The following YTHDC1 variants were observed in gnomAD, a reference collection of about 807,000 sequenced individuals.
YTHDC1 encodes the protein YTH N6-methyladenosine RNA binding protein C1.
YTHDC1 carries 12 observed loss-of-function variants against 107.0 expected under a neutral mutation model. The observed-to-expected ratio is 0.11, with a 90% confidence interval of 0.07 to 0.18. The LOEUF is 0.18. YTHDC1 is among the 10% of genes least tolerant of loss of function. The pLI is 1.00. For synonymous variants in YTHDC1, 280 were observed against 289.5 expected (o/e 0.97, Z 0.33); for missense variants, 635 against 898.8 (o/e 0.71, Z 3.75).
intron 11 of YTHDC1, among the ~76,000 whole-genome samples, chr4:68,320,500 A>G (rs993163877): frequency 6.6e-6 from 1 of 152,174 alleles, no homozygotes; most frequent in Admixed American, 6.5e-5. Context: ...TAGTCTAAAC[A>G]AAAGTAAACA....
At chr4:68,325,659 A>T (rs937952966) in intron 9 of YTHDC1, among the ~76,000 whole-genome samples, 4 of 152,228 alleles carry the variant, frequency 2.6e-5, no homozygotes, top group African/African-American at 9.6e-5. Context: ...CTAGGATTAC[A>T]GCTGTGAGCC....
chr4:68,328,337 A>G (rs1723213662), intron 9 of YTHDC1, among the ~76,000 whole-genome samples: 1 of 152,142 alleles, frequency 6.6e-6, no homozygotes, highest in African/African-American at 2.4e-5. Context: ...CACAAAATAA[A>G]AATAATCACT....
Position 68,346,518 on chromosome 4 carries a change from C to T in YTHDC1, c.28+3208G>A, listed in dbSNP as rs182138571. Among the ~76,000 whole-genome samples, 63 of 152,292 alleles carry T rather than the reference C, an allele frequency of 4.1e-4. 1 individual carries two copies. The highest frequency in any genetic ancestry group is 3.9e-3 in the Admixed American group (60 of 15,292). On this transcript the variant is annotated intron_variant, in intron 1 of 16. Coordinates refer to ENST00000344157, the MANE Select transcript of YTHDC1 (RefSeq NM_001031732.4). ...AAAATGGAGAATTCCAGAAATAATT[C>T]ATAAGTTTTAAATTGTGCGCTAAGT...
chr4:68,318,617 A>C, intron 14 of YTHDC1, 36 bp from the exon 15 acceptor site: 1 of 1,607,080 alleles, frequency 6.2e-7, no homozygotes, highest in Non-Finnish European at 8.5e-7. Context: ...TATAATTAAA[A>C]ATTATCACAG....
intron 1 of YTHDC1, 51 bp from the exon 2 acceptor site, chr4:68,338,435 G>T (rs767579751): frequency 7.3e-7 from 1 of 1,369,326 alleles, no homozygotes; most frequent in Non-Finnish European, 1.0e-6. Flanking sequence ...CATTGAACAT[G>T]TATTTTTGAG....
chr4:68,347,396 T>C (rs1007304004), intron 1 of YTHDC1, among the ~76,000 whole-genome samples: 4 of 152,206 alleles, frequency 2.6e-5, no homozygotes, highest in African/African-American at 9.7e-5. Context: ...ATCCAGTTTC[T>C]TGGGCAAATT....
At position 68,332,263 on chromosome 4, in the gene YTHDC1, T is replaced by C. The variant is rs1003519146; in HGVS notation, c.1028-66A>G. On this transcript the variant is annotated intron_variant, in intron 6 of 16. Coordinates refer to ENST00000344157, the MANE Select transcript of YTHDC1 (RefSeq NM_001031732.4). ...TTATCACACAAAGGGGTCAAAACTG[T>C]ACTAACTGAAATTAGCCCTCCACAA... 2.8e-6 allele frequency: 3 copies of C among 1,084,274 alleles called. 1 individual carries two copies. Among genetic ancestry groups the C allele is most frequent in the Middle Eastern group, 4.2e-4 (2 of 4,760 alleles). The allele number at this position is 1,084,274 out of a possible 1,614,324, so 67.2% of individuals were successfully genotyped here. A position where few individuals can be genotyped will look rare whatever the true frequency, so the allele number is the denominator to read the frequency against.
chr4:68,329,838 T>C (rs1046331515), intron 9 of YTHDC1, among the ~76,000 whole-genome samples, 164 bp downstream of exon 9: 7 of 152,186 alleles, frequency 4.6e-5, no homozygotes, highest in Admixed American at 2.0e-4. Context: ...ATCAAATACA[T>C]GTAACTTTAG....
rs1255103098 is a variant in YTHDC1 at position 68,313,241 on chromosome 4, G to A, written c.*858C>T. 1.3e-5 allele frequency: 2 copies of A among 152,186 alleles called. No homozygotes were observed. Among genetic ancestry groups the A allele is most frequent in the Admixed American group, 6.6e-5 (1 of 15,264 alleles). 9.4% of individuals were successfully genotyped at this position (152,186 alleles called of 1,614,324 possible). ...AGCAAATGGGGTTCCTAAAATTCCTGAACAAAAAGCATGCTTTTATGTCCA... is the reference window on the plus strand; with the variant it reads ...AGCAAATGGGGTTCCTAAAATTCCTAAACAAAAAGCATGCTTTTATGTCCA... On this transcript the variant is annotated 3_prime_UTR_variant, in exon 17 of 17. Transcript: ENST00000344157.
chr4:68,320,289 G>A, intron 11 of YTHDC1, 84 bp from the exon 12 acceptor site: 1 of 953,152 alleles, frequency 1.0e-6, no homozygotes, highest in Non-Finnish European at 1.6e-6. Flanking sequence ...ACAGAGATAA[G>A]TACAAAGAAT....
At chr4:68,324,544 G>A (rs899794371) in intron 9 of YTHDC1, among the ~76,000 whole-genome samples, 1 of 152,076 alleles carries the variant, frequency 6.6e-6, no homozygotes, top group South Asian at 2.1e-4. Context: ...GTTGTTTTAC[G>A]CAGTTTGCAA....
At position 68,349,915 on chromosome 4, in the gene YTHDC1, C is replaced by A. The variant is rs1725920540; in HGVS notation, c.-162G>T. 11 of 918,082 alleles carry A rather than the reference C, an allele frequency of 1.2e-5. No individual in the cohort carries two copies. The highest frequency in any genetic ancestry group is 1.8e-5 in the Non-Finnish European group (11 of 597,544). 56.9% of individuals were successfully genotyped at this position (918,082 alleles called of 1,614,324 possible). ...TAACACTCAGCCTTCTCGACTCTTC[C>A]CGCTTTTTCCCTTTCTCCCTTCCTT... On this transcript the variant is annotated 5_prime_UTR_variant, in exon 1 of 17. Transcript: ENST00000344157.
At chr4:68,327,251 G>GAAAAA (rs1723095994) in intron 9 of YTHDC1, among the ~76,000 whole-genome samples, 1 of 151,742 alleles carries the variant, frequency 6.6e-6, no homozygotes, top group Non-Finnish European at 1.5e-5. Flanking sequence ...GAAAAGAAAA[G>GAAAAA]AAAAATGGAG....
At chr4:68,345,401 A>G (rs1725297486) in intron 1 of YTHDC1, among the ~76,000 whole-genome samples, 1 of 152,178 alleles carries the variant, frequency 6.6e-6, no homozygotes, top group African/African-American at 2.4e-5. Context: ...AGGTACCAAA[A>G]TAAATTATAT....
intron 9 of YTHDC1, 65 bp from the exon 10 acceptor site, chr4:68,324,288 T>A: frequency 2.1e-5 from 28 of 1,354,246 alleles, no homozygotes; most frequent in Non-Finnish European, 2.9e-5. Context: ...ATACTACTTT[T>A]AGTAGTGAAT....
chr4:68,327,454 T>C (rs1008589212), intron 9 of YTHDC1, among the ~76,000 whole-genome samples: 2 of 152,058 alleles, frequency 1.3e-5, no homozygotes, highest in Non-Finnish European at 2.9e-5. Context: ...ATGACACTTA[T>C]CTGGTCCCAA....
intron 4 of YTHDC1, 34 bp from the exon 5 acceptor site, chr4:68,333,431 A>C: frequency 6.8e-7 from 1 of 1,471,890 alleles, no homozygotes; most frequent in South Asian, 1.2e-5. Flanking sequence ...TTTAAATCAC[A>C]ATACAGAAAC....
chr4:68,347,335 A>G (rs1435651292), intron 1 of YTHDC1, among the ~76,000 whole-genome samples: 1 of 152,256 alleles, frequency 6.6e-6, no homozygotes, highest in African/African-American at 2.4e-5. Flanking sequence ...CTCCTTATAT[A>G]GAAAAATGGC....
chr4:68,349,642 C>CA, intron 1 of YTHDC1, 84 bp downstream of exon 1: 1 of 396,688 alleles, frequency 2.5e-6, no homozygotes, highest in Non-Finnish European at 5.1e-6. Context: ...CCCCCACCCC[C>CA]CACCCCCAAC....
Sources: allele counts gnomAD v4.1 joint callset (sites outside exome capture counted in the v4.1 genomes callset), GRCh38; gene constraint gnomAD v4.1.1; transcripts MANE v1.5; gene names NCBI Gene and HGNC (gene_info 2026-07-23, HGNC 2026-07-21).